The following SPON2 variants were observed in gnomAD, a reference collection of about 807,000 sequenced individuals.
The protein encoded by SPON2 is spondin-2.
A neutral mutation model predicts 29.9 loss-of-function variants in SPON2; 32 were observed. The observed-to-expected ratio is 1.07, with a 90% confidence interval of 0.81 to 1.44. The LOEUF (loss-of-function observed/expected upper bound fraction) is 1.44, where lower values mean the gene tolerates loss of function less well. Among genes scored for constraint, SPON2 ranks in the 40% most tolerant of loss-of-function variants. SPON2 has a pLI of 0.00. For missense variants in SPON2, 541 were observed against 455.5 expected, an observed-to-expected ratio of 1.19 and a Z score of -1.71; for synonymous variants, 248 against 209.1, an observed-to-expected ratio of 1.19 and a Z score of -1.61.
intron 1 of SPON2, among the ~76,000 whole-genome samples, chr4:1,192,692 T>A (rs1727937040): frequency 6.6e-6 from 1 of 152,142 alleles, no homozygotes; most frequent in Non-Finnish European, 1.5e-5. Flanking sequence ...GCAGCCTGGA[T>A]TCTAGGAAGG....
chr4:1,177,273 C>G (rs1006999629), upstream of SPON2, among the ~76,000 whole-genome samples: 2 of 152,134 alleles, frequency 1.3e-5, no homozygotes, highest in African/African-American at 4.8e-5. Flanking sequence ...CTTTGACACC[C>G]CCTTAGTGCC....
chr4:1,171,697 C>A, intron 2 of SPON2, 155 bp downstream of exon 2: 1 of 772,686 alleles, frequency 1.3e-6, no homozygotes, highest in Non-Finnish European at 2.1e-6. Context: ...ATCCCCGGAA[C>A]CGCACACCGC....
chr4:1,189,638 C>CAA (rs61543201), intron 1 of SPON2, among the ~76,000 whole-genome samples: 1,502 of 60,180 alleles, frequency 0.025, 72 homozygotes, highest in African/African-American at 0.081. Context: ...GACCCTGTCT[C>CAA]AAAAAAAAAA....
chr4:1,194,934 GCCGGCGGCT>G, intron 1 of SPON2: 2 of 145,716 alleles, frequency 1.4e-5, no homozygotes, highest in East Asian at 2.0e-4. Flanking sequence ...CAACCCCGCA[GCCGGCGGCT>G]CCAACCTCGC....
chr4:1,201,774 G>A (rs778592336), intron 1 of SPON2, among the ~76,000 whole-genome samples: 12 of 151,988 alleles, frequency 7.9e-5, no homozygotes, highest in Non-Finnish European at 1.0e-4. Flanking sequence ...TAGTAGAGAC[G>A]GGGTTTCACT....
At chr4:1,181,290 A>C (rs1727696483) in intron 1 of SPON2, among the ~76,000 whole-genome samples, 1 of 152,238 alleles carries the variant, frequency 6.6e-6, no homozygotes, top group Non-Finnish European at 1.5e-5. Flanking sequence ...TATCTGAAAA[A>C]ATAAAGGTGA....
Position 1,202,843 on chromosome 4 carries a change from C to T in SPON2, c.-234+5037G>A, listed in dbSNP as rs950167340. 6.6e-6 allele frequency among the ~76,000 whole-genome samples: 1 copy of T among 152,178 alleles called. No individual in the cohort carries two copies. The highest frequency in any genetic ancestry group is 2.4e-5 in the African/African-American group (1 of 41,442). ...AGCGCCCCGTGGATGCCGTCAAGGC[C>T]CCCCGCATGTGCCTTTGGGAGCGAT... On this transcript the variant is annotated intron_variant, in intron 1 of 3. Transcript: ENST00000509233. This position sits in a 1 kb window ranked among gnomAD's most constrained non-coding sequence, Gnocchi z 5.4.
chr4:1,195,087 G>GCCTCAC (rs1233025579), exon 1 of SPON2: 5 of 131,182 alleles, frequency 3.8e-5, no homozygotes, highest in Admixed American at 7.6e-5. Context: ...GCAGCCGGCG[G>GCCTCAC]CTCCAACCCC....
At position 1,167,509 on chromosome 4, in the gene SPON2, T is replaced by G; in HGVS notation, c.959A>C (p.Glu320Ala). ...ATCAGGGACGCACTCAGCCTCTTCT[T>G]CGAGCTCGGGGCAGGGGCTCCCGTT... ...ANNGSPCPEL[E>A]EEAECVPDNC... Residue 320 changes from glutamate (E) to alanine (A), a missense_variant, in exon 6 of 6, where the codon GAA (glutamate) becomes GCA (alanine). Transcript: ENST00000290902. 1 of 1,613,780 alleles carries G rather than the reference T, an allele frequency of 6.2e-7. No homozygotes were observed. Among genetic ancestry groups the G allele is most frequent in the South Asian group, 1.1e-5 (1 of 91,066 alleles).
upstream of SPON2, among the ~76,000 whole-genome samples, chr4:1,195,825 C>T (rs1447661627): frequency 3.3e-5 from 5 of 151,928 alleles, no homozygotes; most frequent in Non-Finnish European, 7.4e-5. Context: ...TTTTGTAGAG[C>T]GGTCTCGCTG....
intron 1 of SPON2, among the ~76,000 whole-genome samples, chr4:1,200,212 G>C (rs1049292104): frequency 6.6e-6 from 1 of 152,156 alleles, no homozygotes; most frequent in East Asian, 1.9e-4. Context: ...GGTGAGAAAC[G>C]CTTCCCTGTC....
At chr4:1,196,089 C>T (rs536489884), upstream of SPON2, among the ~76,000 whole-genome samples, 383 of 152,328 alleles carry the variant, frequency 2.5e-3, 2 homozygotes, top group African/African-American at 9.0e-3. Context: ...GCTGCCCCAT[C>T]GCTGCCCCCC....
In SPON2 at chr4:1,167,638, T is replaced by C. The variant is rs1204943787; in HGVS notation, c.830A>G (p.Asp277Gly). ...DSASVPETPL[D>G]CEVSLWSSWG... is the part of the protein sequence containing the mutation. Reference sequence around the variant, plus strand: ...GGACGACCACAGGGAGACCTCGCAGTCCAGCGGCGTTTCTGGAACTGGACC... The same window carrying C: ...GGACGACCACAGGGAGACCTCGCAGCCCAGCGGCGTTTCTGGAACTGGACC... The change falls in exon 6 of 6, where the codon GAC becomes GGC. Residue 277 changes from aspartate (D) to glycine (G), a missense_variant. Coordinates refer to ENST00000290902, the MANE Select transcript of SPON2 (RefSeq NM_012445.4). 1 of 1,607,506 alleles carries C rather than the reference T, an allele frequency of 6.2e-7. No individual in the cohort carries two copies. Among genetic ancestry groups the C allele is most frequent in the Admixed American group, 1.7e-5 (1 of 59,418 alleles).
At chr4:1,171,681 C>T (rs1727455231) in intron 2 of SPON2, 171 bp downstream of exon 2, 1 of 762,258 alleles carries the variant, frequency 1.3e-6, no homozygotes, top group South Asian at 1.8e-5. Context: ...CCCCTGCCCC[C>T]ACCGCATCCC....
In SPON2 at chr4:1,171,160, G is replaced by T; in HGVS notation, c.475C>A (p.Pro159Thr). 3.2e-6 allele frequency: 5 copies of T among 1,550,554 alleles called. 1 individual carries two copies. The Middle Eastern group carries it at 6.7e-4, about 209-fold the overall frequency. Residue 159 changes from proline to threonine, a missense_variant, in exon 4 of 6, where the codon CCC becomes ACC. By Grantham distance (38) the Pro-to-Thr change is conservative. Transcript: ENST00000290902. ...CTGTCCACGCCCACGAACCAGTCGG[G>T]GCTGGGCACGATGCGCACCACAAAC... is the stretch of plus-strand genomic sequence containing the variant. ...VSFVVRIVPS[P>T]DWFVGVDSLD...
At chr4:1,179,596 T>G (rs535362375) in intron 1 of SPON2, 20 of 152,312 alleles carry the variant, frequency 1.3e-4, no homozygotes, top group African/African-American at 4.8e-4. Context: ...ACCAAAGGCG[T>G]GCAGCAATCT....
At chr4:1,194,645 C>A (rs942359239) in intron 1 of SPON2, among the ~76,000 whole-genome samples, 1 of 152,166 alleles carries the variant, frequency 6.6e-6, no homozygotes, top group Admixed American at 6.5e-5. Flanking sequence ...GGACCTGCTC[C>A]CCAGCCTGGA....
chr4:1,193,834 G>A (rs1727972558), intron 1 of SPON2, among the ~76,000 whole-genome samples: 1 of 86,782 alleles, frequency 1.2e-5, no homozygotes, highest in Non-Finnish European at 2.3e-5. Context: ...GCGTGGGAAG[G>A]ACGTGGGGGG....
In SPON2 at chr4:1,167,430, C is replaced by G. The variant is rs765003236; in HGVS notation, c.*42G>C. On this transcript the variant is annotated 3_prime_UTR_variant, in exon 6 of 6. Coordinates refer to ENST00000290902, the MANE Select transcript of SPON2 (RefSeq NM_012445.4). ...GAGCCTGCACAGGAGCCCCCGACAC[C>G]CCATGGCTCCGGGGGGCCCCAGGGG... is the stretch of plus-strand genomic sequence containing the variant. 6.3e-7 allele frequency: 1 copy of G among 1,584,874 alleles called. No individual in the cohort carries two copies. The highest frequency in any genetic ancestry group is 1.1e-5 in the South Asian group (1 of 87,122).
Sources: gnomAD v4.1 joint callset for allele counts (sites outside exome capture counted in the v4.1 genomes callset) on GRCh38, gnomAD v4.1.1 for gene constraint, Gnocchi (gnomAD v3.1) non-coding constraint, MANE v1.5 for transcripts, NCBI Gene and HGNC (gene_info 2026-07-23, HGNC 2026-07-21) for gene names.